Variants in INO80 observed in about 807,000 individuals in gnomAD.
INO80 encodes the protein chromatin-remodeling ATPase INO80.
In INO80, 20 loss-of-function variants were observed where a neutral mutation model predicts 203.4. The observed-to-expected ratio is 0.10, with a 90% CI of 0.07 to 0.14. The LOEUF (loss-of-function observed/expected upper bound fraction) is 0.14. Among genes scored for constraint, INO80 ranks in the 10% least tolerant of loss-of-function variants. INO80 has a pLI of 1.00. For synonymous variants in INO80, 726 were observed against 685.2 expected (o/e 1.06, Z -0.93); for missense variants, 1,419 against 1,914.4 (o/e 0.74, Z 4.83).
chr15:41,043,156 C>T (rs904893264), intron 24 of INO80, among the ~76,000 whole-genome samples: 1 of 152,118 alleles, frequency 6.6e-6, no homozygotes, highest in Non-Finnish European at 1.5e-5. Context: ...GAGAAGAATA[C>T]AAATGAGTGA....
chr15:40,979,853 G>C lies in INO80; in HGVS notation c.*370C>G. The C allele has an allele frequency of 3.7e-6, 1 of 268,916 alleles. No individual in the cohort carries two copies. The allele number at this position is 268,916 out of a possible 1,614,324, so 16.7% of individuals were successfully genotyped here. ...GAAGGCTCTTCACAGCACCTGCGGA[G>C]ACTTTGCAAGGGACGTGTCAGAGCC... On this transcript the variant is annotated 3_prime_UTR_variant, in exon 36 of 36. Coordinates refer to ENST00000648947, the MANE Select transcript of INO80 (RefSeq NM_017553.3).
rs1199076001 is a variant in INO80, at chr15:41,033,320, C to T, written c.2908-5584G>A. ...AAAATAAAATTTTATTTTTCTATCT[C>T]TGCTGCCTGAATCAGAATTTTTTTT... is the stretch of plus-strand genomic sequence containing the variant. On this transcript the variant is annotated intron_variant, in intron 24 of 35. Transcript: ENST00000648947. 1.3e-5 allele frequency among the ~76,000 whole-genome samples: 2 copies of T among 151,456 alleles called. 1 individual carries two copies. The highest frequency in any genetic ancestry group is 2.9e-5 in the Non-Finnish European group (2 of 67,942).
chr15:41,044,777 A>G (rs2044725006), intron 24 of INO80, 127 bp downstream of exon 24: 3 of 707,590 alleles, frequency 4.2e-6, no homozygotes, highest in Non-Finnish European at 7.0e-6. Flanking sequence ...AATATGCTGC[A>G]CCGCCCACTC....
intron 27 of INO80, among the ~76,000 whole-genome samples, chr15:41,015,082 T>C (rs997968716): frequency 2.0e-5 from 3 of 152,194 alleles, no homozygotes; most frequent in Non-Finnish European, 4.4e-5. Flanking sequence ...ATTTTCACTC[T>C]CCTGTTTCTA....
At chr15:41,085,640 A>G (rs895223053) in intron 6 of INO80, 57 bp from the exon 7 acceptor site, 27 of 1,364,386 alleles carry the variant, frequency 2.0e-5, no homozygotes, top group Non-Finnish European at 2.7e-5. Context: ...TCACAAAGCA[A>G]CCTCATGACT....
At chr15:41,089,743 C>CAAAAA (rs796081701) in intron 5 of INO80, among the ~76,000 whole-genome samples, 1 of 112,988 alleles carries the variant, frequency 8.9e-6, no homozygotes. Context: ...AACTCAATCT[C>CAAAAA]AAAAAAAAAA....
In INO80 at chr15:41,005,573, G is replaced by A. The variant is rs2044029074; in HGVS notation, c.3497+20C>T. ...GAGGGAAATTAAAAAGATAATTTTT[G>A]TAATTCCCATGAACATTACCTGTTC... On this transcript the variant is annotated intron_variant, in intron 28 of 35. Transcript: ENST00000648947. The A allele has an allele frequency of 7.8e-7, 1 of 1,284,706 alleles. No individual in the cohort carries two copies. Among genetic ancestry groups the A allele is most frequent in the South Asian group, 1.3e-5 (1 of 77,306 alleles). The allele number at this position is 1,284,706 out of a possible 1,614,324, so 79.6% of individuals were successfully genotyped here.
chr15:41,046,216 T>C (rs1379552029), intron 23 of INO80, among the ~76,000 whole-genome samples: 11 of 6,462 alleles, frequency 1.7e-3, no homozygotes, highest in African/African-American at 3.5e-3. Flanking sequence ...CATATATATA[T>C]ATATATATAT....
intron 24 of INO80, among the ~76,000 whole-genome samples, chr15:41,030,521 G>A (rs1396790117): frequency 2.0e-5 from 3 of 151,692 alleles, no homozygotes; most frequent in African/African-American, 4.8e-5. Flanking sequence ...GCACCACCAC[G>A]CCTTTAATTT....
chr15:41,016,610 T>C (rs2044214338), intron 26 of INO80, among the ~76,000 whole-genome samples: 1 of 152,252 alleles, frequency 6.6e-6, no homozygotes. Context: ...TCTAGATATC[T>C]GTTTCTGCTA....
intron 9 of INO80, among the ~76,000 whole-genome samples, chr15:41,075,987 T>C (rs975061422): frequency 2.0e-5 from 3 of 152,174 alleles, no homozygotes; most frequent in African/African-American, 7.2e-5. Context: ...AATAGGTATA[T>C]GAAATTAACA....
At chr15:41,113,287 C>CA in intron 1 of INO80, among the ~76,000 whole-genome samples, 2 of 151,008 alleles carry the variant, frequency 1.3e-5, no homozygotes, top group Middle Eastern at 7.2e-3. Flanking sequence ...TTTTTTGAGA[C>CA]AGAGTTTTGC....
intron 16 of INO80, among the ~76,000 whole-genome samples, chr15:41,057,731 A>G (rs2045014743): frequency 7.4e-6 from 1 of 134,244 alleles, no homozygotes; most frequent in Non-Finnish European, 1.5e-5. Context: ...TGGGAGGTGG[A>G]GGTTGCAGTG....
chr15:41,033,512 C>G (rs2140494713), intron 24 of INO80, among the ~76,000 whole-genome samples: 1 of 152,098 alleles, frequency 6.6e-6, no homozygotes, highest in East Asian at 1.9e-4. Context: ...CAAACAAAAT[C>G]ACACTCTTTA....
At chr15:41,010,375 G>C (rs1350739813) in intron 27 of INO80, among the ~76,000 whole-genome samples, 1 of 151,562 alleles carries the variant, frequency 6.6e-6, no homozygotes, top group Non-Finnish European at 1.5e-5. Context: ...GATCTGTTCT[G>C]TAACAGCTTC....
Position 40,998,977 on chromosome 15 carries a change from T to G in INO80, c.3498-1376A>C, listed in dbSNP as rs181504664. ...GCAGAACAGGCTTTTGACTCTAAGA[T>G]TTATCTACACACACACACACACACA... On this transcript the variant is annotated intron_variant, in intron 28 of 35. Transcript: ENST00000648947. Among the ~76,000 whole-genome samples the G allele has an allele frequency of 4.1e-4, 35 of 85,578 alleles. 2 individuals carry two copies. The East Asian group carries it at 9.9e-3, about 24-fold the overall frequency. The allele number at this position is 85,578 out of a possible 152,430, so 56.1% of individuals were successfully genotyped here.
intron 16 of INO80, 69 bp from the exon 17 acceptor site, chr15:41,056,775 C>T: frequency 1.5e-6 from 2 of 1,310,694 alleles, no homozygotes; most frequent in African/African-American, 1.5e-5. Context: ...TACTGAGACC[C>T]CATATTGACA....
chr15:41,047,649 CA>C (rs1258367453), intron 22 of INO80, 148 bp from the exon 23 acceptor site: 6 of 597,676 alleles, frequency 1.0e-5, no homozygotes, highest in African/African-American at 9.3e-5. Context: ...GTTAGGGTGC[CA>C]CACCTTTATA....
At chr15:41,094,674 C>A (rs182177741) in intron 4 of INO80, among the ~76,000 whole-genome samples, 1 of 152,242 alleles carries the variant, frequency 6.6e-6, no homozygotes, top group African/African-American at 2.4e-5. Context: ...AATTAATATT[C>A]CTGATTATGT....
Sources: gnomAD v4.1 joint callset for allele counts (sites outside exome capture counted in the v4.1 genomes callset) on GRCh38, gnomAD v4.1.1 for gene constraint, MANE v1.5 for transcripts, NCBI Gene and HGNC (gene_info 2026-07-23, HGNC 2026-07-21) for gene names.